Variants in CLTRN observed in about 807,000 individuals in gnomAD.
The protein encoded by CLTRN is collectrin, amino acid transport regulator.
Under a neutral mutation model 14.5 loss-of-function variants are expected in CLTRN, and 12 were observed. That is an observed-to-expected ratio of 0.83 (90% CI 0.53 to 1.34). The LOEUF is 1.34. Ranked by LOEUF, CLTRN falls within the 40% of genes most tolerant of loss-of-function variation. The pLI, the probability that CLTRN is intolerant of heterozygous loss-of-function variation, is 0.00. For synonymous variants in CLTRN, 58 were observed against 56.5 expected, an observed-to-expected ratio of 1.03 and a Z score of -0.12; for missense variants, 154 against 165.1, an observed-to-expected ratio of 0.93 and a Z score of 0.37.
intron 3 of CLTRN, among the ~76,000 whole-genome samples, chrX:15,648,523 T>A (rs971425383): frequency 9.0e-6 from 1 of 111,172 alleles, no homozygotes; most frequent in African/African-American, 3.3e-5. Context: ...AATAAAAGAA[T>A]AAATCTTGGC....
chrX:15,664,402 GAAAAGAA>G lies in CLTRN; in HGVS notation c.59-14_59-8del. 4 of 1,176,351 alleles carry G rather than the reference GAAAAGAA, an allele frequency of 3.4e-6. No homozygotes were observed. The highest frequency in any genetic ancestry group is 4.6e-6 in the Non-Finnish European group (4 of 874,456). ...TTAAAAGCATTTTCTGCACCTGCCA[GAAAAGAA>G]AAAAGAAAGAGCAGTATATGATGAT... On this transcript the variant is annotated splice_region_variant and splice_polypyrimidine_tract_variant and intron_variant, in intron 1 of 5. Coordinates refer to ENST00000380342, the MANE Select transcript of CLTRN (RefSeq NM_020665.6).
intron 5 of CLTRN, among the ~76,000 whole-genome samples, chrX:15,636,922 C>A (rs952763872): frequency 9.0e-6 from 1 of 111,480 alleles, no homozygotes; most frequent in Non-Finnish European, 1.9e-5. Flanking sequence ...AAGGGCACAG[C>A]TGGTATTTGA....
chrX:15,664,331 A>G lies in CLTRN; in HGVS notation c.117+6T>C, dbSNP rs1210618326. The G allele has an allele frequency of 8.4e-7, 1 of 1,184,872 alleles. No homozygotes were observed. The highest frequency in any genetic ancestry group is 2.3e-5 in the Admixed American group (1 of 43,360). The stretch of plus-strand genomic sequence containing the variant: ...TTTAAAAAGAACACTCAGGTGCTCC[A>G]CTTACTGCTTTATCTCCCAGAGCTG... On this transcript the variant is annotated splice_donor_region_variant and intron_variant, in intron 2 of 5. Transcript: ENST00000380342.
At chrX:15,628,696 C>T (rs1476229460) in intron 5 of CLTRN, among the ~76,000 whole-genome samples, 2 of 112,001 alleles carry the variant, frequency 1.8e-5, no homozygotes, top group Non-Finnish European at 3.8e-5. Flanking sequence ...AATATTGCTG[C>T]TTGGCTCTAC....
At chrX:15,667,088 T>G (rs1929635136), upstream of CLTRN, among the ~76,000 whole-genome samples, 1 of 110,712 alleles carries the variant, frequency 9.0e-6, no homozygotes, top group Non-Finnish European at 1.9e-5. Context: ...GTACAAATAA[T>G]TAGCCGGGCG....
chrX:15,646,497 G>A (rs1929075703), intron 3 of CLTRN: 2 of 323,037 alleles, frequency 6.2e-6, no homozygotes, highest in Non-Finnish European at 1.2e-5. Context: ...GAAGCACTGG[G>A]CCCTACTGTC....
intron 3 of CLTRN, among the ~76,000 whole-genome samples, chrX:15,649,010 C>T (rs769048153): frequency 1.5e-3 from 167 of 111,898 alleles, no homozygotes; most frequent in Non-Finnish European, 2.2e-3. Flanking sequence ...TCTTTAAATA[C>T]TGTTCAAACA....
upstream of CLTRN, among the ~76,000 whole-genome samples, chrX:15,669,450 A>G (rs1381863153): frequency 8.9e-6 from 1 of 112,223 alleles, no homozygotes; most frequent in African/African-American, 3.2e-5. Flanking sequence ...GTAGATTTAA[A>G]AGTTCAGATT....
At chrX:15,657,210 G>C (rs1360638398) in intron 3 of CLTRN, among the ~76,000 whole-genome samples, 1 of 111,742 alleles carries the variant, frequency 8.9e-6, no homozygotes, top group East Asian at 2.8e-4. Context: ...ATGTTGCCCA[G>C]GCTGGTCTCG....
intron 2 of CLTRN, among the ~76,000 whole-genome samples, chrX:15,661,302 A>T (rs1395284448): frequency 7.1e-5 from 8 of 112,242 alleles, no homozygotes; most frequent in Non-Finnish European, 1.5e-4. Flanking sequence ...GATCTTGGGG[A>T]CAACTTGACC....
upstream of CLTRN, chrX:15,664,871 T>C (rs1286411172): frequency 1.6e-5 from 12 of 751,650 alleles, no homozygotes; most frequent in African/African-American, 2.1e-5. Flanking sequence ...GATTAGAATA[T>C]CAGAGAAACA....
intron 4 of CLTRN, among the ~76,000 whole-genome samples, chrX:15,642,999 A>C (rs751117026): frequency 1.1e-4 from 12 of 110,892 alleles, no homozygotes; most frequent in Non-Finnish European, 2.3e-4. Flanking sequence ...CAGGAGGCTG[A>C]GACAAGAGGA....
chrX:15,656,797 C>T (rs955102337), intron 3 of CLTRN, among the ~76,000 whole-genome samples: 20 of 110,532 alleles, frequency 1.8e-4, no homozygotes, highest in Admixed American at 3.9e-4. Context: ...CAATTCATCC[C>T]CTTGATAGCA....
intron 4 of CLTRN, 82 bp downstream of exon 4, chrX:15,644,834 C>A: frequency 6.8e-6 from 4 of 586,359 alleles, no homozygotes; most frequent in African/African-American, 2.3e-5. Context: ...ACAGATAAAA[C>A]TCTTCAATAT....
chrX:15,667,563 T>C (rs1929645659), upstream of CLTRN, among the ~76,000 whole-genome samples: 1 of 112,736 alleles, frequency 8.9e-6, no homozygotes, highest in Admixed American at 9.3e-5. Flanking sequence ...AATGACCAAT[T>C]GTCAATGTTT....
intron 3 of CLTRN, among the ~76,000 whole-genome samples, chrX:15,650,851 G>C (rs1375252026): frequency 2.7e-5 from 3 of 112,077 alleles, no homozygotes; most frequent in African/African-American, 9.7e-5. Flanking sequence ...TTGTGGGAAG[G>C]GGGCCAGGGG....
chrX:15,628,950 GT>G (rs1928628405), intron 5 of CLTRN, among the ~76,000 whole-genome samples: 1 of 111,603 alleles, frequency 9.0e-6, no homozygotes, highest in African/African-American at 3.3e-5. Flanking sequence ...AAATTCAAAG[GT>G]TTTTCCTGTC....
In CLTRN at chrX:15,652,595, T is replaced by C. The variant is rs147355451; in HGVS notation, c.203+6421A>G. 4.5e-3 allele frequency among the ~76,000 whole-genome samples: 505 copies of C among 111,205 alleles called. 3 individuals are homozygous for C. Among genetic ancestry groups the C allele is most frequent in the Middle Eastern group, 0.019 (4 of 215 alleles). On this transcript the variant is annotated intron_variant, in intron 3 of 5. Transcript: ENST00000380342. ...AAAAAAGACACTGGAACACTCGGAATAAGATTTTGTTGTTGTTGTTGTTGT... is the reference window on the plus strand; with the variant it reads ...AAAAAAGACACTGGAACACTCGGAACAAGATTTTGTTGTTGTTGTTGTTGT...
At chrX:15,644,289 T>C (rs912962373) in intron 4 of CLTRN, among the ~76,000 whole-genome samples, 5 of 111,816 alleles carry the variant, frequency 4.5e-5, no homozygotes, top group African/African-American at 1.3e-4. Flanking sequence ...TAACATAATG[T>C]AAATGATTCT....
Sources: gnomAD v4.1 joint callset for allele counts (sites outside exome capture counted in the v4.1 genomes callset) on GRCh38, gnomAD v4.1.1 for gene constraint, MANE v1.5 for transcripts, NCBI Gene and HGNC (gene_info 2026-07-23, HGNC 2026-07-21) for gene names.